The following LIPA variants were observed in gnomAD, a reference collection of about 807,000 sequenced individuals.
LIPA encodes the protein lysosomal acid lipase/cholesteryl ester hydrolase.
A neutral mutation model predicts 40.6 loss-of-function variants in LIPA; 26 were observed. The ratio of observed to expected loss-of-function variants is 0.64; its 90% CI spans 0.47 to 0.89. LIPA has a LOEUF of 0.89. Among genes scored for constraint, LIPA ranks in the 40% least tolerant of loss-of-function variants. The pLI, the probability that LIPA is intolerant of heterozygous loss-of-function variation, is 0.00. For missense variants in LIPA, 455 were observed against 479.6 expected (o/e 0.95, Z 0.48); for synonymous variants, 188 against 168.4 (o/e 1.12, Z -0.90).
intron 1 of LIPA, among the ~76,000 whole-genome samples, chr10:89,273,321 A>G (rs1589585312): frequency 6.6e-6 from 1 of 152,108 alleles, no homozygotes; most frequent in South Asian, 2.1e-4. Flanking sequence ...ATGGAGTCAG[A>G]GGTAGGGGTT....
chr10:89,309,596 C>A (rs1843504629), intron 1 of LIPA, among the ~76,000 whole-genome samples: 1 of 152,124 alleles, frequency 6.6e-6, no homozygotes, highest in African/African-American at 2.4e-5. Flanking sequence ...ACCCTTGGTA[C>A]CTGTGTGTGC....
At chr10:89,232,865 C>G (rs1842859089) in intron 3 of LIPA, among the ~76,000 whole-genome samples, 1 of 152,232 alleles carries the variant, frequency 6.6e-6, no homozygotes, top group Admixed American at 6.5e-5. Flanking sequence ...ATAAATAACT[C>G]CTGGATTCCC....
chr10:89,215,286 C>T lies in LIPA; in HGVS notation c.967-225G>A, dbSNP rs115080580. On this transcript the variant is annotated intron_variant, in intron 9 of 9. Transcript: ENST00000336233. ...ATTATAATCGCCACTAGCTGTGGAG[C>T]TGCTGCCGTAGGCTGGGCACCAAAA... Among the ~76,000 whole-genome samples the T allele has an allele frequency of 0.016, 2,436 of 152,310 alleles. 68 individuals carry two copies. The highest frequency in any genetic ancestry group is 0.055 in the African/African-American group (2,296 of 41,552).
In LIPA at chr10:89,413,478, C is replaced by T. The variant is rs115132391; in HGVS notation, c.-71-556G>A. On this transcript the variant is annotated intron_variant, in intron 1 of 8. Coordinates refer to the LIPA transcript ENST00000371837. ...TTCAAAATCAGGCCAAGCATAGTGGCTCATGCCTGTAATCCCAGCATTTTG... is the reference window on the plus strand; with the variant it reads ...TTCAAAATCAGGCCAAGCATAGTGGTTCATGCCTGTAATCCCAGCATTTTG... Among the ~76,000 whole-genome samples the T allele has an allele frequency of 9.6e-3, 1,464 of 152,268 alleles. 21 individuals are homozygous for T. The highest frequency in any genetic ancestry group is 0.033 in the African/African-American group (1,368 of 41,532).
upstream of LIPA, among the ~76,000 whole-genome samples, chr10:89,254,704 G>A (rs970667237): frequency 6.6e-5 from 10 of 152,148 alleles, no homozygotes; most frequent in Admixed American, 3.3e-4. Flanking sequence ...CAAATTTTCT[G>A]AACTTTTATG....
intron 2 of LIPA, among the ~76,000 whole-genome samples, chr10:89,385,790 A>T (rs545498750): frequency 2.0e-5 from 3 of 152,344 alleles, no homozygotes; most frequent in Admixed American, 6.5e-5. Flanking sequence ...CGTGACCCAA[A>T]CACACTGCTG....
chr10:89,259,457 T>G (rs968697121), intron 1 of LIPA, among the ~76,000 whole-genome samples: 2 of 152,230 alleles, frequency 1.3e-5, no homozygotes, highest in African/African-American at 4.8e-5. Context: ...GGAAACTCTT[T>G]CATCGCTGAT....
intron 2 of LIPA, among the ~76,000 whole-genome samples, chr10:89,389,975 C>CTTTTTTT (rs56947144): frequency 1.7e-4 from 14 of 80,322 alleles, no homozygotes; most frequent in Admixed American, 6.1e-4. Context: ...AGATTTCTTT[C>CTTTTTTT]TTTTTTTTTT....
At chr10:89,216,443 G>A (rs1396236684) in intron 8 of LIPA, among the ~76,000 whole-genome samples, 1 of 149,472 alleles carries the variant, frequency 6.7e-6, no homozygotes, top group African/African-American at 2.5e-5. Context: ...GAGAGAGAGA[G>A]AGATGGATAT....
chr10:89,348,211 C>G (rs1380483410), intron 2 of LIPA, among the ~76,000 whole-genome samples: 1 of 152,154 alleles, frequency 6.6e-6, no homozygotes, highest in Non-Finnish European at 1.5e-5. Flanking sequence ...AGATTTCCGT[C>G]AGACAGAAGG....
intron 1 of LIPA, among the ~76,000 whole-genome samples, chr10:89,251,078 T>C (rs539936366): frequency 1.9e-4 from 29 of 152,294 alleles, no homozygotes; most frequent in Non-Finnish European, 2.9e-4. Context: ...GCATGCTATT[T>C]AACTTTCTAA....
At chr10:89,374,666 T>A (rs1377956909) in intron 2 of LIPA, among the ~76,000 whole-genome samples, 1 of 152,228 alleles carries the variant, frequency 6.6e-6, no homozygotes, top group African/African-American at 2.4e-5. Flanking sequence ...TAGAGTTGAT[T>A]CAGGGCTAGT....
chr10:89,383,464 A>T (rs1324316544), intron 2 of LIPA: 11 of 1,614,122 alleles, frequency 6.8e-6, no homozygotes, highest in Non-Finnish European at 9.3e-6. Context: ...CACCAAATAC[A>T]ATGTGGGAAT....
intron 2 of LIPA, among the ~76,000 whole-genome samples, chr10:89,352,308 C>A (rs1403178119): frequency 2.6e-5 from 4 of 152,104 alleles, no homozygotes; most frequent in Non-Finnish European, 5.9e-5. Flanking sequence ...GTTTTCATGT[C>A]CTCTACCTCA....
chr10:89,322,948 G>A (rs1052985786), intron 1 of LIPA, among the ~76,000 whole-genome samples: 1 of 152,126 alleles, frequency 6.6e-6, no homozygotes, highest in Non-Finnish European at 1.5e-5. Flanking sequence ...TTCCACTTCT[G>A]TCTGAATTCA....
chr10:89,375,422 A>G lies in LIPA; in HGVS notation c.61+37369T>C, dbSNP rs75184678. 9.8e-3 allele frequency among the ~76,000 whole-genome samples: 1,491 copies of G among 152,314 alleles called. 22 individuals carry two copies. The highest frequency in any genetic ancestry group is 0.034 in the African/African-American group (1,413 of 41,550). On this transcript the variant is annotated intron_variant, in intron 2 of 8. Coordinates refer to the LIPA transcript ENST00000371837. ...GCAGAGCAAGAAAGGAAACCTCAGA[A>G]GAAAACATCCCATTGGCCCCAAATA...
intron 1 of LIPA, among the ~76,000 whole-genome samples, chr10:89,277,704 A>G (rs1370303486): frequency 9.9e-5 from 15 of 152,238 alleles, no homozygotes. Flanking sequence ...ACAATTTAGA[A>G]CAACCTCTGC....
chr10:89,326,004 A>T (rs530688391), intron 1 of LIPA, among the ~76,000 whole-genome samples: 1 of 152,230 alleles, frequency 6.6e-6, no homozygotes, highest in African/African-American at 2.4e-5. Flanking sequence ...GTAAACTATT[A>T]TAACTACTAT....
chr10:89,322,428 C>T (rs1252386088), intron 1 of LIPA, among the ~76,000 whole-genome samples: 2 of 151,446 alleles, frequency 1.3e-5, no homozygotes, highest in Non-Finnish European at 1.5e-5. Flanking sequence ...CCAGCCTGTC[C>T]GGGCTCAGCG....
Sources: allele counts gnomAD v4.1 joint callset (sites outside exome capture counted in the v4.1 genomes callset), GRCh38; gene constraint gnomAD v4.1.1; transcripts MANE v1.5; gene names NCBI Gene and HGNC (gene_info 2026-07-23, HGNC 2026-07-21).